Variants in PARD3 observed in about 807,000 individuals in gnomAD.
PARD3 encodes the protein partitioning defective 3 homolog.
Under a neutral mutation model 155.4 loss-of-function variants are expected in PARD3, and 75 were observed. The observed-to-expected ratio is 0.48, with a 90% CI of 0.40 to 0.58. The LOEUF (loss-of-function observed/expected upper bound fraction) is 0.58. Ranked by LOEUF, PARD3 falls within the 20% of genes least tolerant of loss-of-function variation. PARD3 has a pLI of 0.00. For synonymous variants in PARD3, 576 were observed against 610.5 expected (o/e 0.94, Z 0.83); for missense variants, 1,642 against 1,721.7 (o/e 0.95, Z 0.82).
chr10:34,611,185 C>A (rs1236633326), intron 2 of PARD3, among the ~76,000 whole-genome samples: 2 of 152,124 alleles, frequency 1.3e-5, no homozygotes, highest in Non-Finnish European at 2.9e-5. Flanking sequence ...ATTAATGCTT[C>A]AGTGCTCGGA....
chr10:34,534,693 G>A (rs2083098741), intron 2 of PARD3, among the ~76,000 whole-genome samples: 1 of 152,096 alleles, frequency 6.6e-6, no homozygotes, highest in South Asian at 2.1e-4. Flanking sequence ...GGTGGTTGAT[G>A]TTGTTGTTGC....
In PARD3 at chr10:34,382,729, T is replaced by C. The variant is rs1271384751; in HGVS notation, c.1210A>G (p.Arg404Gly). 5.6e-6 allele frequency: 9 copies of C among 1,614,080 alleles called. No individual in the cohort carries two copies. Among genetic ancestry groups the C allele is most frequent in the Non-Finnish European group, 7.6e-6 (9 of 1,180,022 alleles). The stretch of plus-strand genomic sequence containing the variant: ...GGCGGGTGGTTCAGTCGGGGTGCTC[T>C]CTGCACCGTGTGAAGCCCTGCACTG... ...VNSAGLHTVQ[R>G]APRLNHPPEQ... The change falls in exon 9 of 25, where the codon AGA becomes GGA. Residue 404 changes from arginine (R) to glycine (G), a missense_variant. By Grantham distance (125) the Arg-to-Gly change is moderately radical. This residue lies in a region of PARD3 where 1,529 missense variants were observed against 1,587.3 expected (regional missense o/e 0.96). Coordinates refer to ENST00000374788, the MANE Select transcript of PARD3 (RefSeq NM_001184785.2).
intron 2 of PARD3, among the ~76,000 whole-genome samples, chr10:34,540,207 G>T (rs1454561499): frequency 6.6e-6 from 1 of 152,064 alleles, no homozygotes; most frequent in Non-Finnish European, 1.5e-5. Flanking sequence ...ATTAGAGCAG[G>T]ATTGCTCTGC....
At chr10:34,524,737 T>C (rs907722035) in intron 2 of PARD3, among the ~76,000 whole-genome samples, 1 of 152,216 alleles carries the variant, frequency 6.6e-6, no homozygotes, top group South Asian at 2.1e-4. Flanking sequence ...AAAAGTAGGA[T>C]AGCACAGTAA....
intron 2 of PARD3, among the ~76,000 whole-genome samples, chr10:34,586,787 C>G (rs539938915): frequency 6.6e-6 from 1 of 151,938 alleles, no homozygotes; most frequent in South Asian, 2.1e-4. Flanking sequence ...CCTGTCCCTA[C>G]TAAAAATAAA....
At chr10:34,724,728 G>A (rs142823594) in intron 1 of PARD3, among the ~76,000 whole-genome samples, 174 of 152,308 alleles carry the variant, frequency 1.1e-3, no homozygotes, top group African/African-American at 4.0e-3. Flanking sequence ...GTGTAGAGGT[G>A]AAGAAGAGCT....
intron 1 of PARD3, among the ~76,000 whole-genome samples, chr10:34,724,502 A>G (rs2094665387): frequency 6.6e-6 from 1 of 152,238 alleles, no homozygotes; most frequent in Admixed American, 6.5e-5. Flanking sequence ...TAAGTTATAT[A>G]TAAGAGGCTG....
intron 1 of PARD3, among the ~76,000 whole-genome samples, chr10:34,811,396 C>A (rs1302551270): frequency 3.9e-5 from 6 of 152,206 alleles, no homozygotes; most frequent in African/African-American, 7.2e-5. Context: ...CAGATTCACA[C>A]ACCTAGACCC....
intron 3 of PARD3, among the ~76,000 whole-genome samples, chr10:34,473,013 T>C (rs2078456719): frequency 6.6e-6 from 1 of 152,020 alleles, no homozygotes; most frequent in Non-Finnish European, 1.5e-5. Flanking sequence ...AAATATGGAC[T>C]GGGGGAAAGG....
intron 3 of PARD3, among the ~76,000 whole-genome samples, chr10:34,516,464 T>C (rs2081772723): frequency 6.6e-6 from 1 of 152,180 alleles, no homozygotes; most frequent in African/African-American, 2.4e-5. Context: ...GGATTCCTCA[T>C]ATAGGACTCA....
chr10:34,614,994 C>G (rs1752056746), intron 2 of PARD3, among the ~76,000 whole-genome samples: 1 of 152,088 alleles, frequency 6.6e-6, no homozygotes, highest in Admixed American at 6.5e-5. Flanking sequence ...CTGGCTAACA[C>G]AGTGAAACCA....
intron 24 of PARD3, among the ~76,000 whole-genome samples, chr10:34,117,890 A>T (rs553840163): frequency 6.6e-6 from 1 of 152,268 alleles, no homozygotes; most frequent in East Asian, 1.9e-4. Context: ...CAGCCGGGGC[A>T]ACAGAACAAG....
chr10:34,435,490 A>C (rs1393718808), intron 5 of PARD3, among the ~76,000 whole-genome samples: 1 of 152,230 alleles, frequency 6.6e-6, no homozygotes, highest in Admixed American at 6.5e-5. Flanking sequence ...ACAAATTGCC[A>C]ACAACCTTTC....
intron 12 of PARD3, 55 bp downstream of exon 12, chr10:34,372,443 T>C (rs935114635): frequency 8.6e-6 from 11 of 1,284,428 alleles, no homozygotes; most frequent in Non-Finnish European, 1.2e-5. Flanking sequence ...AGTAAGAAGT[T>C]AGTTCCATGT....
chr10:34,605,513 ATATATATCTCC>A (rs1213749256), intron 2 of PARD3, among the ~76,000 whole-genome samples: 3 of 69,226 alleles, frequency 4.3e-5, no homozygotes, highest in East Asian at 6.2e-4. Context: ...TTAAATATAT[ATATATATCTCC>A]TATATATATC....
At position 34,374,977 on chromosome 10, in the gene PARD3, T is replaced by C; in HGVS notation, c.1565A>G (p.Lys522Arg). 1 of 1,613,454 alleles carries C rather than the reference T, an allele frequency of 6.2e-7. No individual in the cohort carries two copies. Residue 522 changes from lysine to arginine, a missense_variant, in exon 11 of 25, where the codon AAA becomes AGA. Physicochemically the swap from Lys to Arg is conservative, Grantham distance 26. Transcript: ENST00000374788. Reference protein sequence around the residue: ...IEVNGVDLVGKSQEEVVSLLR... With the variant: ...IEVNGVDLVGRSQEEVVSLLR... ...CAGCGAAACAACTTCCTCTTGGGAT[T>C]TGCCCACTAAATCTACTCCATTTAC...
At chr10:34,801,569 C>A (rs1842845557) in intron 1 of PARD3, among the ~76,000 whole-genome samples, 1 of 152,180 alleles carries the variant, frequency 6.6e-6, no homozygotes, top group East Asian at 1.9e-4. Flanking sequence ...AGACGCCACT[C>A]CCTATTTAGT....
intron 2 of PARD3, among the ~76,000 whole-genome samples, chr10:34,592,778 A>G (rs2088839416): frequency 6.6e-6 from 1 of 152,148 alleles, no homozygotes; most frequent in Non-Finnish European, 1.5e-5. Flanking sequence ...CTGTCTCAAA[A>G]ACTATATAAT....
chr10:34,404,148 T>C (rs1844193567), intron 5 of PARD3, among the ~76,000 whole-genome samples: 1 of 152,220 alleles, frequency 6.6e-6, no homozygotes, highest in Middle Eastern at 3.2e-3. Context: ...CAACATTCAC[T>C]GCCCTGAGGC....
Sources: allele counts gnomAD v4.1 joint callset (sites outside exome capture counted in the v4.1 genomes callset), GRCh38; gene constraint gnomAD v4.1.1; regional missense constraint gnomAD v4.1.1; transcripts MANE v1.5; gene names NCBI Gene and HGNC (gene_info 2026-07-23, HGNC 2026-07-21).